The following RAB3C variants were observed in gnomAD, a reference collection of about 807,000 sequenced individuals.
RAB3C encodes RAB3C, member RAS oncogene family.
RAB3C carries 17 observed loss-of-function variants against 26.4 expected under a neutral mutation model. The ratio of observed to expected loss-of-function variants is 0.64; its 90% CI spans 0.44 to 0.97. The LOEUF is 0.97. Ranked by LOEUF, RAB3C falls within the 50% of genes least tolerant of loss-of-function variation. RAB3C has a pLI of 0.00. For missense variants in RAB3C, 242 were observed against 281.9 expected, an observed-to-expected ratio of 0.86 and a Z score of 1.01; for synonymous variants, 91 against 95.9, an observed-to-expected ratio of 0.95 and a Z score of 0.30.
Position 58,859,027 on chromosome 5 carries a change from C to T in RAB3C, c.*7676C>T, listed in dbSNP as rs1744326310. On this transcript the variant is annotated 3_prime_UTR_variant, in exon 5 of 5. Coordinates refer to ENST00000282878, the MANE Select transcript of RAB3C (RefSeq NM_138453.4). ...TTGGAAATGCACAGATGAAGATCTT[C>T]CTTTGGAACCAGGCACATTTGGCCC... 6.6e-6 allele frequency: 1 copy of T among 152,178 alleles called. No homozygotes were observed. Among genetic ancestry groups the T allele is most frequent in the African/African-American group, 2.4e-5 (1 of 41,446 alleles). The allele number at this position is 152,178 out of a possible 1,614,324, so 9.4% of individuals were successfully genotyped here.
At chr5:58,645,550 C>A (rs1191470315) in intron 2 of RAB3C, among the ~76,000 whole-genome samples, 3 of 152,196 alleles carry the variant, frequency 2.0e-5, no homozygotes, top group African/African-American at 7.2e-5. Context: ...TGAACATCCA[C>A]CCTTTGCCAG....
At chr5:58,601,403 A>G (rs1746450352) in intron 1 of RAB3C, among the ~76,000 whole-genome samples, 1 of 152,150 alleles carries the variant, frequency 6.6e-6, no homozygotes, top group African/African-American at 2.4e-5. Context: ...CTTGTGGAAT[A>G]GTATCAAAAG....
chr5:58,625,366 A>G (rs1206889418), intron 2 of RAB3C, among the ~76,000 whole-genome samples: 1 of 152,220 alleles, frequency 6.6e-6, no homozygotes, highest in Non-Finnish European at 1.5e-5. Context: ...TTCAAGCCTT[A>G]TAACTGATTA....
chr5:58,832,540 G>A (rs1188463678), intron 4 of RAB3C, among the ~76,000 whole-genome samples: 2 of 152,160 alleles, frequency 1.3e-5, no homozygotes, highest in African/African-American at 2.4e-5. Context: ...CCAAATTTCT[G>A]TCACCCCAAA....
chr5:58,655,755 G>C (rs552230933), intron 2 of RAB3C, among the ~76,000 whole-genome samples: 68 of 150,092 alleles, frequency 4.5e-4, no homozygotes, highest in African/African-American at 1.7e-3. Context: ...AAAAGAAAAG[G>C]GTTTCAGAAT....
rs572948810 is a variant in RAB3C, at chr5:58,758,856, C to CT, written c.371+32748dup. Among the ~76,000 whole-genome samples, 392 of 145,142 alleles carry CT rather than the reference C, an allele frequency of 2.7e-3. 4 individuals are homozygous for CT. Among genetic ancestry groups the CT allele is most frequent in the East Asian group, 0.02 (101 of 4,980 alleles). ...CTTCACTGGGTAAATGTTCCTTGGA[C>CT]TTTTTTTTTTTTGGATACTTTTCCA... On this transcript the variant is annotated intron_variant, in intron 3 of 4. Coordinates refer to ENST00000282878, the MANE Select transcript of RAB3C (RefSeq NM_138453.4).
chr5:58,765,450 G>A (rs1353684663), intron 3 of RAB3C, among the ~76,000 whole-genome samples: 1 of 152,072 alleles, frequency 6.6e-6, no homozygotes, highest in East Asian at 1.9e-4. Flanking sequence ...GCTCATTTTA[G>A]AAATGTAACA....
At chr5:58,778,279 T>C (rs1377014643) in intron 3 of RAB3C, among the ~76,000 whole-genome samples, 1 of 152,148 alleles carries the variant, frequency 6.6e-6, no homozygotes, top group Non-Finnish European at 1.5e-5. Flanking sequence ...CAATAAATCC[T>C]CAGCTACATT....
At chr5:58,619,427 G>C (rs10055649) in intron 2 of RAB3C, among the ~76,000 whole-genome samples, 18,362 of 152,170 alleles carry the variant, frequency 0.12, 1,350 homozygotes, top group Non-Finnish European at 0.16. Context: ...CAATCCAATT[G>C]TTATATGATA....
At chr5:58,816,861 T>C (rs931934610) in intron 3 of RAB3C, among the ~76,000 whole-genome samples, 2 of 152,170 alleles carry the variant, frequency 1.3e-5, no homozygotes, top group African/African-American at 2.4e-5. Context: ...CAAGGCCCTA[T>C]GAAGGGTGCT....
At chr5:58,839,968 G>C (rs1283194358) in intron 4 of RAB3C, among the ~76,000 whole-genome samples, 1 of 150,920 alleles carries the variant, frequency 6.6e-6, no homozygotes, top group Non-Finnish European at 1.5e-5. Flanking sequence ...CTGTCCTATA[G>C]GGGTTCTGTG....
rs372868070 is a variant in RAB3C, at chr5:58,790,818, A to G, written c.372-34220A>G. Among the ~76,000 whole-genome samples the G allele has an allele frequency of 7.3e-4, 111 of 152,266 alleles. 3 individuals carry two copies. The highest frequency in any genetic ancestry group is 2.3e-3 in the African/African-American group (97 of 41,556). On this transcript the variant is annotated intron_variant, in intron 3 of 4. Transcript: ENST00000282878. ...ACTCAATTTTCCTGAAGGAAAAAAA[A>G]TCAAGAAGCCATTGGCCCACATAAC...
chr5:58,832,458 A>T (rs1743633809), intron 4 of RAB3C, among the ~76,000 whole-genome samples: 1 of 152,204 alleles, frequency 6.6e-6, no homozygotes, highest in South Asian at 2.1e-4. Flanking sequence ...TCATTTACTA[A>T]TGTATTCATT....
At chr5:58,733,813 A>G (rs997154547) in intron 3 of RAB3C, among the ~76,000 whole-genome samples, 1 of 152,166 alleles carries the variant, frequency 6.6e-6, no homozygotes, top group Non-Finnish European at 1.5e-5. Context: ...TCTTTCTAGC[A>G]CTGTGGCTCA....
At chr5:58,716,036 AAAAG>A (rs1749164372) in intron 2 of RAB3C, among the ~76,000 whole-genome samples, 1 of 149,238 alleles carries the variant, frequency 6.7e-6, no homozygotes, top group South Asian at 2.1e-4. Flanking sequence ...CAATAAAAAA[AAAAG>A]AAAAGGAAAA....
At chr5:58,816,729 CAG>C (rs933638553) in intron 3 of RAB3C, among the ~76,000 whole-genome samples, 1 of 152,036 alleles carries the variant, frequency 6.6e-6, no homozygotes, top group Non-Finnish European at 1.5e-5. Context: ...GCTGAAAATA[CAG>C]AGTGTATGGG....
intron 2 of RAB3C, among the ~76,000 whole-genome samples, chr5:58,651,295 C>A (rs925012983): frequency 6.6e-6 from 1 of 152,046 alleles, no homozygotes; most frequent in Admixed American, 6.6e-5. Flanking sequence ...TTTCTAGCTT[C>A]CTATCTCTTT....
chr5:58,755,954 T>C (rs1023266347), intron 3 of RAB3C, among the ~76,000 whole-genome samples: 3 of 152,150 alleles, frequency 2.0e-5, no homozygotes, highest in African/African-American at 7.2e-5. Context: ...TTTAATGAAA[T>C]AATTTTTATT....
At position 58,700,746 on chromosome 5, in the gene RAB3C, T is replaced by G. The variant is rs192543721; in HGVS notation, c.253-25256T>G. On this transcript the variant is annotated intron_variant, in intron 2 of 4. Transcript: ENST00000282878. ...GTGTATATAAAATATGTAACATGTA[T>G]TTAAAAATAGATATTCCTGTCTGTT... is the stretch of plus-strand genomic sequence containing the variant. 3.8e-3 allele frequency among the ~76,000 whole-genome samples: 572 copies of G among 152,320 alleles called. 1 individual carries two copies. The highest frequency in any genetic ancestry group is 5.6e-3 in the Non-Finnish European group (382 of 68,024).
Sources: allele counts gnomAD v4.1 joint callset (sites outside exome capture counted in the v4.1 genomes callset), GRCh38; gene constraint gnomAD v4.1.1; transcripts MANE v1.5; gene names NCBI Gene and HGNC (gene_info 2026-07-23, HGNC 2026-07-21).